MAPK14: variants seen among roughly 807,000 people sequenced by gnomAD.
MAPK14 encodes mitogen-activated protein kinase 14.
A neutral mutation model predicts 49.6 loss-of-function variants in MAPK14; 16 were observed. That is an observed-to-expected ratio of 0.32 (90% CI 0.22 to 0.49). The LOEUF (loss-of-function observed/expected upper bound fraction) is 0.49. MAPK14 is among the 20% of genes least tolerant of loss of function. MAPK14 has a pLI of 0.99. For missense variants in MAPK14, 200 were observed against 441.2 expected, an observed-to-expected ratio of 0.45 and a Z score of 4.90; for synonymous variants, 142 against 158.0, an observed-to-expected ratio of 0.90 and a Z score of 0.76.
chr6:36,034,763 C>CTT (rs147404416), intron 1 of MAPK14, among the ~76,000 whole-genome samples: 92 of 150,860 alleles, frequency 6.1e-4, no homozygotes, highest in Non-Finnish European at 1.3e-3. Context: ...CAGATAATTG[C>CTT]TTTTTTTTTG....
At chr6:36,029,935 A>C (rs1762474088) in intron 1 of MAPK14, among the ~76,000 whole-genome samples, 2 of 152,058 alleles carry the variant, frequency 1.3e-5, no homozygotes, top group African/African-American at 4.8e-5. Context: ...ATATAGGTAT[A>C]TACATTCAGT....
At chr6:36,116,744 C>T in the MAPK14 span, among the ~76,000 whole-genome samples, 1 of 152,218 alleles carries the variant, frequency 6.6e-6, no homozygotes, top group African/African-American at 2.4e-5. Context: ...ACAGACCTGG[C>T]TCCCTATGGT....
At chr6:36,064,279 C>CCA (rs397758458) in intron 3 of MAPK14, among the ~76,000 whole-genome samples, 33 of 128,144 alleles carry the variant, frequency 2.6e-4, no homozygotes, top group African/African-American at 6.9e-4. Context: ...TGCCCCCCCC[C>CCA]ACCCCTTTTT....
chr6:36,117,946 T>G, the MAPK14 span, among the ~76,000 whole-genome samples: 3 of 152,366 alleles, frequency 2.0e-5, no homozygotes, highest in Admixed American at 6.5e-5. Context: ...CAATAGTCTT[T>G]AGAAGCAAAG....
the MAPK14 span, among the ~76,000 whole-genome samples, chr6:36,117,227 C>T: frequency 8.1e-4 from 123 of 152,314 alleles, no homozygotes; most frequent in African/African-American, 2.9e-3. Flanking sequence ...AGAGAAACTA[C>T]CTTTTCCCTC....
At chr6:36,063,276 A>G (rs1763902022) in intron 3 of MAPK14, among the ~76,000 whole-genome samples, 1 of 152,146 alleles carries the variant, frequency 6.6e-6, no homozygotes, top group South Asian at 2.1e-4. Context: ...AACTAAACAT[A>G]GAAAACAACA....
rs747610969 is a variant in MAPK14 at position 36,074,114 on chromosome 6, T to C, written c.495+18T>C. ...AGCTGAAGGTAAAATGAAGAGACAGTATTCATTGTTTGCTTTACTTTGAGA... is the reference window on the plus strand; with the variant it reads ...AGCTGAAGGTAAAATGAAGAGACAGCATTCATTGTTTGCTTTACTTTGAGA... On this transcript the variant is annotated intron_variant, in intron 6 of 11. Coordinates refer to ENST00000229794, the MANE Select transcript of MAPK14 (RefSeq NM_139012.3). The C allele has an allele frequency of 1.2e-6, 2 of 1,605,984 alleles. No individual in the cohort carries two copies. Among genetic ancestry groups the C allele is most frequent in the Non-Finnish European group, 1.7e-6 (2 of 1,173,008 alleles).
intron 9 of MAPK14, chr6:36,096,406 T>A (rs1409045735): frequency 4.8e-6 from 1 of 206,314 alleles, no homozygotes; most frequent in African/African-American, 2.3e-5. Context: ...AAGACCTGAC[T>A]TTCTTCTTTC....
intron 2 of MAPK14, among the ~76,000 whole-genome samples, chr6:36,058,092 A>G (rs1393691979): frequency 6.6e-6 from 1 of 152,192 alleles, no homozygotes; most frequent in African/African-American, 2.4e-5. Context: ...GTTATTGAGT[A>G]TTAAGTAGCT....
rs903346549 is a variant in MAPK14, at chr6:36,052,683, C to G, written c.117-16C>G. On this transcript the variant is annotated splice_polypyrimidine_tract_variant and intron_variant, in intron 1 of 11. Coordinates refer to ENST00000229794, the MANE Select transcript of MAPK14 (RefSeq NM_139012.3). ...CAGCTTTTTAATGGTGGGTTTTTTC[C>G]CTTTTTTCTCCTTAGTGCTGCTTTT... 1 of 1,579,040 alleles carries G rather than the reference C, an allele frequency of 6.3e-7. No homozygotes were observed. Among genetic ancestry groups the G allele is most frequent in the Admixed American group, 1.9e-5 (1 of 51,752 alleles).
At chr6:36,097,969 C>G (rs552260370) in intron 9 of MAPK14, 1 of 150,270 alleles carries the variant, frequency 6.7e-6, no homozygotes. Context: ...GTAGTTTAAA[C>G]ATCCTAAGGG....
rs3833483 is a variant in MAPK14 at position 36,108,567 on chromosome 6, GGTGTGCGTGC to G, written c.*135_*144del. On this transcript the variant is annotated 3_prime_UTR_variant, in exon 12 of 12. Transcript: ENST00000229794. ...AGAGATTTCCTCCATGGTGGAAGGG[GGTGTGCGTGC>G]GTGTGCGTGCGTGTTAGTGTGTGTG... The G allele has an allele frequency of 0.13, 104,384 of 785,670 alleles. 8,693 individuals carry two copies. The highest frequency in any genetic ancestry group is 0.18 in the Middle Eastern group (701 of 3,958). The allele number at this position is 785,670 out of a possible 1,614,324, so 48.7% of individuals were successfully genotyped here.
At chr6:36,074,529 A>C (rs1276276483) in intron 6 of MAPK14, among the ~76,000 whole-genome samples, 1 of 152,196 alleles carries the variant, frequency 6.6e-6, no homozygotes, top group Non-Finnish European at 1.5e-5. Context: ...TTTTAACTTG[A>C]AAAAATGTCT....
intron 1 of MAPK14, among the ~76,000 whole-genome samples, chr6:36,029,905 A>ACGTT (rs1477522915): frequency 1.3e-5 from 2 of 151,568 alleles, no homozygotes; most frequent in African/African-American, 4.9e-5. Context: ...ATAGGTATAT[A>ACGTT]CATTCAGTAT....
intron 1 of MAPK14, among the ~76,000 whole-genome samples, chr6:36,033,743 GTTGACTT>G (rs1389605879): frequency 6.6e-6 from 1 of 152,194 alleles, no homozygotes; most frequent in Non-Finnish European, 1.5e-5. Context: ...GAGATGATGT[GTTGACTT>G]TGCCTTTCAT....
At chr6:36,116,996 T>C in the MAPK14 span, among the ~76,000 whole-genome samples, 1 of 152,212 alleles carries the variant, frequency 6.6e-6, no homozygotes, top group African/African-American at 2.4e-5. Context: ...CAATCCTCTT[T>C]TGGTTTTTTT....
At chr6:36,035,549 A>G (rs538945579) in intron 1 of MAPK14, among the ~76,000 whole-genome samples, 1 of 152,370 alleles carries the variant, frequency 6.6e-6, no homozygotes, top group Admixed American at 6.5e-5. Flanking sequence ...ATCAAAAGCT[A>G]GAAATGATTA....
intron 8 of MAPK14, among the ~76,000 whole-genome samples, chr6:36,079,211 A>G (rs938379886): frequency 1.3e-5 from 2 of 152,244 alleles, no homozygotes; most frequent in African/African-American, 4.8e-5. Flanking sequence ...CCCAGAGAAT[A>G]TAATCCAAAG....
the MAPK14 span, among the ~76,000 whole-genome samples, chr6:36,119,889 A>G: frequency 6.6e-6 from 1 of 152,190 alleles, no homozygotes; most frequent in Non-Finnish European, 1.5e-5. Flanking sequence ...AGGCTGCAAA[A>G]CGATCTATCT....
Sources: gnomAD v4.1 joint callset for allele counts (sites outside exome capture counted in the v4.1 genomes callset) on GRCh38, gnomAD v4.1.1 for gene constraint, MANE v1.5 for transcripts, NCBI Gene and HGNC (gene_info 2026-07-23, HGNC 2026-07-21) for gene names.